SNX29: variants seen among roughly 807,000 people sequenced by gnomAD.
The protein encoded by SNX29 is sorting nexin 29.
A neutral mutation model predicts 102.1 loss-of-function variants in SNX29; 78 were observed. The observed-to-expected ratio is 0.76, with a 90% confidence interval of 0.64 to 0.92. SNX29 has a LOEUF of 0.92. Among genes scored for constraint, SNX29 ranks in the 40% least tolerant of loss-of-function variants. SNX29 has a pLI of 0.00. For synonymous variants in SNX29, 580 were observed against 414.5 expected, an observed-to-expected ratio of 1.40 and a Z score of -4.85; for missense variants, 1,280 against 1,061.7, an observed-to-expected ratio of 1.21 and a Z score of -2.86.
chr16:12,214,323 T>C (rs1408333318), intron 14 of SNX29, among the ~76,000 whole-genome samples: 1 of 152,258 alleles, frequency 6.6e-6, no homozygotes, highest in Non-Finnish European at 1.5e-5. Flanking sequence ...TTTATTGTTG[T>C]CGTCATTAAC....
rs182124671 is a variant in SNX29 at position 12,235,466 on chromosome 16, G to C, written c.1678+35783G>C. On this transcript the variant is annotated intron_variant, in intron 14 of 20. Transcript: ENST00000566228. ...TGGCATGTCAGATGGGAGCAGTACA[G>C]ACAGATTTTTTTTTGTGCACTACTG... 3.7e-3 allele frequency among the ~76,000 whole-genome samples: 560 copies of C among 152,286 alleles called. 4 individuals carry two copies. Among genetic ancestry groups the C allele is most frequent in the Non-Finnish European group, 6.1e-3 (412 of 68,012 alleles).
At chr16:12,340,679 A>C (rs1056289327) in intron 15 of SNX29, among the ~76,000 whole-genome samples, 18 of 152,140 alleles carry the variant, frequency 1.2e-4, no homozygotes, top group African/African-American at 3.1e-4. Flanking sequence ...AACAGTCGGG[A>C]GGGACCAGAA....
intron 20 of SNX29, among the ~76,000 whole-genome samples, chr16:12,554,698 C>T (rs182405188): frequency 1.3e-5 from 2 of 152,206 alleles, no homozygotes; most frequent in African/African-American, 4.8e-5. Flanking sequence ...CATCCCTGCC[C>T]ATGCCTGGTG....
At chr16:12,084,469 A>G (rs1253313661) in intron 11 of SNX29, among the ~76,000 whole-genome samples, 2 of 152,206 alleles carry the variant, frequency 1.3e-5, no homozygotes, top group African/African-American at 4.8e-5. Context: ...AAACACCCAT[A>G]ATTCTGCCTC....
chr16:12,094,737 G>C (rs749055120), intron 11 of SNX29, among the ~76,000 whole-genome samples: 1 of 152,156 alleles, frequency 6.6e-6, no homozygotes, highest in African/African-American at 2.4e-5. Context: ...GACAGGACAG[G>C]TCCTCCCAAC....
rs1443674570 is a variant in SNX29 at position 12,573,818 on chromosome 16, T to TA, written c.*5189_*5190insA. On this transcript the variant is annotated 3_prime_UTR_variant, in exon 21 of 21. Coordinates refer to ENST00000566228, the MANE Select transcript of SNX29 (RefSeq NM_032167.5). ...GTGAAGGGGATGGGGGTAGAGCTAATTGGAATTTTTATTATCCAGGACTCA... is the reference window on the plus strand; with the variant it reads ...GTGAAGGGGATGGGGGTAGAGCTAATATGGAATTTTTATTATCCAGGACTCA... 10 of 217,542 alleles carry TA rather than the reference T, an allele frequency of 4.6e-5. No homozygotes were observed. Among genetic ancestry groups the TA allele is most frequent in the Non-Finnish European group, 8.3e-5 (9 of 108,342 alleles). 13.5% of individuals were successfully genotyped at this position (217,542 alleles called of 1,614,324 possible).
chr16:12,170,250 T>A (rs556755586), intron 13 of SNX29, among the ~76,000 whole-genome samples: 20 of 151,768 alleles, frequency 1.3e-4, no homozygotes, highest in African/African-American at 4.8e-4. Flanking sequence ...GAACACATGG[T>A]GTGAGAGTGG....
At chr16:12,527,565 G>A (rs1361212079) in intron 20 of SNX29, among the ~76,000 whole-genome samples, 1 of 152,140 alleles carries the variant, frequency 6.6e-6, no homozygotes, top group Non-Finnish European at 1.5e-5. Flanking sequence ...GTGTTTCACA[G>A]CACCCATCTC....
intron 20 of SNX29, among the ~76,000 whole-genome samples, chr16:12,529,759 C>T (rs544623206): frequency 6.6e-6 from 1 of 152,078 alleles, no homozygotes; most frequent in Non-Finnish European, 1.5e-5. Context: ...CCTTGTTCTC[C>T]CAGTGAGCAG....
chr16:12,067,792 A>C (rs13330399), intron 9 of SNX29, among the ~76,000 whole-genome samples: 19,042 of 152,130 alleles, frequency 0.13, 1,275 homozygotes, highest in South Asian at 0.28. Context: ...CTGGCCCAAG[A>C]AGTTTCTTGA....
chr16:11,977,037 C>T (rs1386902563), intron 1 of SNX29: 1 of 455,142 alleles, frequency 2.2e-6, no homozygotes, highest in South Asian at 9.6e-5. Context: ...CTCCTGACTC[C>T]TGTCCATCCA....
intron 18 of SNX29, among the ~76,000 whole-genome samples, chr16:12,449,356 C>G (rs957210197): frequency 6.6e-5 from 10 of 151,518 alleles, no homozygotes; most frequent in Admixed American, 6.6e-4. Flanking sequence ...AGGGAACAGG[C>G]TTGAGAATAG....
chr16:12,240,201 A>G (rs1263544562), intron 14 of SNX29, among the ~76,000 whole-genome samples: 2 of 152,198 alleles, frequency 1.3e-5, no homozygotes, highest in African/African-American at 4.8e-5. Flanking sequence ...ATTTTAGTGT[A>G]GGATTCTGAT....
chr16:12,353,135 A>T (rs888101352), intron 15 of SNX29, among the ~76,000 whole-genome samples: 1 of 152,124 alleles, frequency 6.6e-6, no homozygotes, highest in African/African-American at 2.4e-5. Context: ...ATGTCAAAGG[A>T]TGTGAACTGT....
At chr16:12,447,418 C>G (rs935435653) in intron 18 of SNX29, among the ~76,000 whole-genome samples, 1 of 152,138 alleles carries the variant, frequency 6.6e-6, no homozygotes, top group African/African-American at 2.4e-5. Context: ...CAGCCTAATC[C>G]TGGATACCCC....
At chr16:12,477,658 G>A (rs185878424) in intron 18 of SNX29, 61 bp from the exon 19 acceptor site, 36 of 1,586,632 alleles carry the variant, frequency 2.3e-5, no homozygotes, top group South Asian at 7.0e-5. Flanking sequence ...AAGCATAGCC[G>A]AAATCCTACT....
At chr16:12,410,026 G>C (rs761507123) in intron 18 of SNX29, among the ~76,000 whole-genome samples, 8 of 151,804 alleles carry the variant, frequency 5.3e-5, no homozygotes, top group Non-Finnish European at 1.0e-4. Context: ...AGGGAGTCTC[G>C]CTCTGTCACC....
At chr16:12,158,374 A>G (rs1007549390) in intron 13 of SNX29, among the ~76,000 whole-genome samples, 1 of 151,716 alleles carries the variant, frequency 6.6e-6, no homozygotes, top group African/African-American at 2.4e-5. Context: ...TAATTTTTGT[A>G]TTTTTAGTAG....
intron 15 of SNX29, among the ~76,000 whole-genome samples, chr16:12,293,527 T>C (rs1402003157): frequency 6.6e-6 from 1 of 152,204 alleles, no homozygotes; most frequent in African/African-American, 2.4e-5. Context: ...GTGGAAGACG[T>C]TTCTAAAGCC....
Sources: gnomAD v4.1 joint callset for allele counts (sites outside exome capture counted in the v4.1 genomes callset) on GRCh38, gnomAD v4.1.1 for gene constraint, MANE v1.5 for transcripts, NCBI Gene and HGNC (gene_info 2026-07-23, HGNC 2026-07-21) for gene names.